The following THRB variants were observed in gnomAD, a reference collection of about 807,000 sequenced individuals.
THRB encodes thyroid hormone receptor beta, also known as nuclear receptor subfamily 1 group A member 2.
Under a neutral mutation model 47.8 loss-of-function variants are expected in THRB, and 12 were observed. The ratio of observed to expected loss-of-function variants is 0.25; its 90% confidence interval spans 0.16 to 0.41. The LOEUF (loss-of-function observed/expected upper bound fraction) is 0.41, where lower values mean the gene tolerates loss of function less well. Among genes scored for constraint, THRB ranks in the 10% least tolerant of loss-of-function variants. THRB has a pLI of 1.00. For missense variants in THRB, 348 were observed against 589.2 expected (o/e 0.59, Z 4.24); for synonymous variants, 218 against 212.2 (o/e 1.03, Z -0.24).
At chr3:24,443,464 A>G (rs1379679415) in intron 1 of THRB, among the ~76,000 whole-genome samples, 2 of 152,228 alleles carry the variant, frequency 1.3e-5, no homozygotes, top group African/African-American at 4.8e-5. Flanking sequence ...CTTTCTAATC[A>G]TTACATAAAG....
intron 5 of THRB, among the ~76,000 whole-genome samples, chr3:24,178,849 C>CA: frequency 6.6e-6 from 1 of 152,106 alleles, no homozygotes; most frequent in Non-Finnish European, 1.5e-5. Context: ...GTTCTCACCA[C>CA]AAAAAATGAT....
At position 24,259,782 on chromosome 3, in the gene THRB, G is replaced by A. The variant is rs192733322; in HGVS notation, c.-42-30781C>T. On this transcript the variant is annotated intron_variant, in intron 3 of 10. Coordinates refer to ENST00000646209, the MANE Select transcript of THRB (RefSeq NM_001354712.2). Reference sequence around the variant, plus strand: ...TTAAAGATAGGTACAAAGAAATTCAGTTATAGATTTAAGTGATTTGGTTTA... The same window carrying A: ...TTAAAGATAGGTACAAAGAAATTCAATTATAGATTTAAGTGATTTGGTTTA... Among the ~76,000 whole-genome samples the A allele has an allele frequency of 3.3e-5, 5 of 152,190 alleles. No homozygotes were observed. The South Asian group carries it at 1.0e-3, about 32-fold the overall frequency.
chr3:24,346,117 A>G (rs755349859), intron 1 of THRB, among the ~76,000 whole-genome samples: 22 of 152,252 alleles, frequency 1.4e-4, no homozygotes, highest in Admixed American at 6.5e-5. Flanking sequence ...ATCTAAATGA[A>G]TATTAACTAC....
At chr3:24,347,603 A>T (rs189410801) in intron 1 of THRB, among the ~76,000 whole-genome samples, 9 of 151,088 alleles carry the variant, frequency 6.0e-5, no homozygotes, top group Non-Finnish European at 1.2e-4. Flanking sequence ...TTTTAAAGAA[A>T]AAAACCTTTA....
At chr3:24,245,719 C>T (rs932055950) in intron 3 of THRB, among the ~76,000 whole-genome samples, 19 of 152,084 alleles carry the variant, frequency 1.2e-4, no homozygotes, top group Non-Finnish European at 2.2e-4. Context: ...TTGAGACCAG[C>T]CTGGCCAATA....
intron 3 of THRB, among the ~76,000 whole-genome samples, chr3:24,248,152 T>G (rs181746414): frequency 6.6e-6 from 1 of 152,136 alleles, no homozygotes; most frequent in Non-Finnish European, 1.5e-5. Context: ...TAGGATATTA[T>G]TCCTATTACT....
At chr3:24,335,031 A>T (rs1413715349) in intron 2 of THRB, among the ~76,000 whole-genome samples, 1 of 152,208 alleles carries the variant, frequency 6.6e-6, no homozygotes, top group Non-Finnish European at 1.5e-5. Flanking sequence ...AACAGATAAA[A>T]GTCCAGCTGC....
chr3:24,218,222 T>C (rs2046782697), intron 4 of THRB, among the ~76,000 whole-genome samples: 2 of 151,522 alleles, frequency 1.3e-5, no homozygotes, highest in Admixed American at 6.6e-5. Flanking sequence ...GAGCCGAGAT[T>C]GCGCCACTGC....
In THRB at chr3:24,274,077, T is replaced by C. The variant is rs150328265; in HGVS notation, c.-43+23149A>G. Among the ~76,000 whole-genome samples, 637 of 152,288 alleles carry C rather than the reference T, an allele frequency of 4.2e-3. 5 individuals are homozygous for C. The highest frequency in any genetic ancestry group is 0.014 in the African/African-American group (596 of 41,562). ...TTTTTCTTAACATTATGCTCACCTG[T>C]GAAATGTGAAACTCAGGCGATACTG... On this transcript the variant is annotated intron_variant, in intron 3 of 10. Coordinates refer to ENST00000646209, the MANE Select transcript of THRB (RefSeq NM_001354712.2).
chr3:24,373,713 C>T (rs1386678774), intron 1 of THRB, among the ~76,000 whole-genome samples: 1 of 152,162 alleles, frequency 6.6e-6, no homozygotes, highest in Non-Finnish European at 1.5e-5. Flanking sequence ...AGAAGGATTC[C>T]GTACTTCTAT....
chr3:24,247,292 T>A (rs192975876), intron 3 of THRB, among the ~76,000 whole-genome samples: 1 of 152,368 alleles, frequency 6.6e-6, no homozygotes, highest in East Asian at 1.9e-4. Flanking sequence ...ATAAAGGCGA[T>A]AATAGCAATA....
chr3:24,185,072 T>A (rs569811091), intron 5 of THRB, among the ~76,000 whole-genome samples: 80 of 152,364 alleles, frequency 5.3e-4, no homozygotes, highest in Middle Eastern at 3.4e-3. Context: ...TTCATTTTTT[T>A]TGTCTTTATG....
intron 1 of THRB, among the ~76,000 whole-genome samples, chr3:24,387,167 T>C (rs1029281743): frequency 6.6e-6 from 1 of 152,180 alleles, no homozygotes; most frequent in Non-Finnish European, 1.5e-5. Flanking sequence ...AAACAGTTGT[T>C]GGCACAAAAC....
chr3:24,195,403 A>C (rs2043841432), intron 4 of THRB, among the ~76,000 whole-genome samples: 1 of 152,092 alleles, frequency 6.6e-6, no homozygotes, highest in Non-Finnish European at 1.5e-5. Flanking sequence ...ACCTATTAAT[A>C]GCTATTGTTT....
At chr3:24,301,897 T>C (rs2056969269) in intron 2 of THRB, among the ~76,000 whole-genome samples, 1 of 152,132 alleles carries the variant, frequency 6.6e-6, no homozygotes, top group Non-Finnish European at 1.5e-5. Flanking sequence ...GCAACATTGT[T>C]GACTTTGAAG....
chr3:24,451,098 T>A (rs2072604523), intron 1 of THRB, among the ~76,000 whole-genome samples: 1 of 152,172 alleles, frequency 6.6e-6, no homozygotes, highest in Non-Finnish European at 1.5e-5. Flanking sequence ...GTGATACATA[T>A]GAGCTATGAC....
intron 1 of THRB, among the ~76,000 whole-genome samples, chr3:24,449,632 A>G (rs2072445715): frequency 6.6e-6 from 1 of 152,122 alleles, no homozygotes; most frequent in African/African-American, 2.4e-5. Flanking sequence ...GCTTGTCTGT[A>G]TGGTTTAGGG....
At chr3:24,223,289 C>A (rs1378073958) in intron 4 of THRB, among the ~76,000 whole-genome samples, 1 of 152,148 alleles carries the variant, frequency 6.6e-6, no homozygotes, top group Non-Finnish European at 1.5e-5. Context: ...AAATCCTCAA[C>A]CTTAAGCAAG....
chr3:24,396,132 T>C lies in THRB; in HGVS notation c.-260-58761A>G, dbSNP rs557371866. On this transcript the variant is annotated intron_variant, in intron 1 of 10. Coordinates refer to ENST00000646209, the MANE Select transcript of THRB (RefSeq NM_001354712.2). ...TTTAATGAGTGAATAGTATGGTATG[T>C]GAATTGTATCTCCACAAGGCATATA... is the stretch of plus-strand genomic sequence containing the variant. 2.5e-3 allele frequency among the ~76,000 whole-genome samples: 383 copies of C among 152,158 alleles called. 2 individuals are homozygous for C. The highest frequency in any genetic ancestry group is 4.3e-3 in the Admixed American group (65 of 15,256).
Sources: gnomAD v4.1 joint callset for allele counts (sites outside exome capture counted in the v4.1 genomes callset) on GRCh38, gnomAD v4.1.1 for gene constraint, MANE v1.5 for transcripts, NCBI Gene and HGNC (gene_info 2026-07-23, HGNC 2026-07-21) for gene names.